Variants in CLHC1 observed in about 807,000 individuals in gnomAD.
CLHC1 encodes the protein clathrin heavy chain linker domain-containing protein 1.
In CLHC1, 72 loss-of-function variants were observed where a neutral mutation model predicts 69.5. The observed-to-expected ratio is 1.04, with a 90% CI of 0.86 to 1.26. CLHC1 has a LOEUF of 1.26. Among genes scored for constraint, CLHC1 ranks in the 50% most tolerant of loss-of-function variants. The pLI is 0.00. For synonymous variants in CLHC1, 223 were observed against 224.3 expected, an observed-to-expected ratio of 0.99 and a Z score of 0.05; for missense variants, 790 against 679.3, an observed-to-expected ratio of 1.16 and a Z score of -1.81.
In CLHC1 at chr2:55,209,390, T is replaced by C. The variant is rs781372431; in HGVS notation, c.814+14A>G. 20 of 1,498,974 alleles carry C rather than the reference T, an allele frequency of 1.3e-5. No individual in the cohort carries two copies. The highest frequency in any genetic ancestry group is 2.4e-5 in the South Asian group (2 of 83,652). The allele number at this position is 1,498,974 out of a possible 1,614,324, so 92.9% of individuals were successfully genotyped here. A position where few individuals can be genotyped will look rare whatever the true frequency, so the allele number is the denominator to read the frequency against. ...TCCATTATTGGTACTAATTTAAAAA[T>C]ATAGATAATCTACCTTGTAAATATT... On this transcript the variant is annotated intron_variant, in intron 7 of 12. Coordinates refer to ENST00000401408, the MANE Select transcript of CLHC1 (RefSeq NM_152385.4).
In CLHC1 at chr2:55,180,573, ACAAG is replaced by A; in HGVS notation, c.1317_1320del (p.Leu440ValfsTer16). On this transcript the variant is annotated frameshift_variant, in exon 11 of 13. Transcript: ENST00000401408. LOFTEE classifies it high-confidence loss of function. ...ACCCTATGAGTCTGACCCTGTTTAC[ACAAG>A]CAAAGAATAGCTTTCTTGTGCAGGC... 1.2e-6 allele frequency: 2 copies of A among 1,614,162 alleles called. No homozygotes were observed. The highest frequency in any genetic ancestry group is 8.5e-7 in the Non-Finnish European group (1 of 1,180,014).
intron 9 of CLHC1, among the ~76,000 whole-genome samples, chr2:55,195,322 A>C (rs1671307761): frequency 6.6e-6 from 1 of 152,182 alleles, no homozygotes; most frequent in Non-Finnish European, 1.5e-5. Context: ...ACTTAGTATA[A>C]TGTGCTCCAG....
rs556536524 is a variant in CLHC1 at position 55,177,930 on chromosome 2, G to A, written c.1385-149C>T. 1.5e-4 allele frequency: 74 copies of A among 507,458 alleles called. 1 individual carries two copies. The highest frequency in any genetic ancestry group is 9.6e-4 in the Admixed American group (26 of 27,108). The allele number at this position is 507,458 out of a possible 1,614,324, so 31.4% of individuals were successfully genotyped here. On this transcript the variant is annotated intron_variant, in intron 11 of 12. Transcript: ENST00000401408. ...TGACCCACTCCAACCTAAACTCAAC[G>A]GTACTATCCCCTAGCCCCCGTCAAA...
chr2:55,181,249 G>A (rs1669905572), intron 10 of CLHC1, among the ~76,000 whole-genome samples: 1 of 152,094 alleles, frequency 6.6e-6, no homozygotes, highest in Non-Finnish European at 1.5e-5. Flanking sequence ...CCAAAATGCT[G>A]GGATTACAGG....
At position 55,175,612 on chromosome 2, in the gene CLHC1, A is replaced by G; in HGVS notation, c.*178T>C. 1 of 539,144 alleles carries G rather than the reference A, an allele frequency of 1.9e-6. No individual in the cohort carries two copies. The highest frequency in any genetic ancestry group is 3.1e-5 in the South Asian group (1 of 32,556). 33.4% of individuals were successfully genotyped at this position (539,144 alleles called of 1,614,324 possible). The stretch of plus-strand genomic sequence containing the variant: ...AGAAATGACCATATGGGGAAAAGGA[A>G]GCAATAGTATAAATATTTCAAAGAC... On this transcript the variant is annotated 3_prime_UTR_variant, in exon 13 of 13. Transcript: ENST00000401408.
At chr2:55,187,203 C>T (rs1006095478) in intron 9 of CLHC1, among the ~76,000 whole-genome samples, 2 of 151,690 alleles carry the variant, frequency 1.3e-5, no homozygotes, top group Admixed American at 6.6e-5. Flanking sequence ...CGCTTGAACC[C>T]GGGAGGCAGA....
chr2:55,190,099 C>G (rs1670775772), intron 9 of CLHC1, among the ~76,000 whole-genome samples: 1 of 151,986 alleles, frequency 6.6e-6, no homozygotes, highest in Non-Finnish European at 1.5e-5. Context: ...GGCTGGAGTG[C>G]AGTGGCGTGA....
chr2:55,175,955 G>T lies in CLHC1; in HGVS notation c.1596C>A (p.Ser532=). 1 of 1,613,888 alleles carries T rather than the reference G, an allele frequency of 6.2e-7. No individual in the cohort carries two copies. The highest frequency in any genetic ancestry group is 1.1e-5 in the South Asian group (1 of 91,082). Residue 532 remains serine (S), a synonymous_variant, in exon 13 of 13, where the codon TCC becomes TCA. Transcript: ENST00000401408. The part of the protein sequence containing the change: ...DAVESLMIND[S]FCSIEKWQEV... ...CTTGCCACTTTTCTATGGAGCAAAA[G>T]GAATCATTTATCATAAGACTTTCTA...
chr2:55,221,413 T>C (rs7601990), intron 3 of CLHC1, among the ~76,000 whole-genome samples: 3 of 152,180 alleles, frequency 2.0e-5, no homozygotes, highest in East Asian at 3.8e-4. Flanking sequence ...TCTAAGCTGA[T>C]CTCCCTATTT....
chr2:55,181,671 AG>A lies in CLHC1; in HGVS notation c.1079del (p.Ala360ValfsTer10). The A allele has an allele frequency of 6.2e-7, 1 of 1,613,806 alleles. No homozygotes were observed. Among genetic ancestry groups the A allele is most frequent in the Non-Finnish European group, 8.5e-7 (1 of 1,179,770 alleles). On this transcript the variant is annotated frameshift_variant, in exon 10 of 13. Coordinates refer to ENST00000401408, the MANE Select transcript of CLHC1 (RefSeq NM_152385.4). LOFTEE classifies it high-confidence loss of function. ...GAGCTGCATCAACAGGACATGGAAA[AG>A]CATGACTTGTGATAAAGAGGGCCTC... is the stretch of plus-strand genomic sequence containing the variant. ...FFEALFITSH[A>X]FPCPVDAALT...
chr2:55,217,499 G>A (rs1415542103), intron 4 of CLHC1, among the ~76,000 whole-genome samples: 7 of 103,182 alleles, frequency 6.8e-5, no homozygotes, highest in Non-Finnish European at 1.1e-4. Flanking sequence ...CTCCAGCCTG[G>A]GCAACAAGAG....
At chr2:55,199,794 C>G (rs1488492419) in intron 9 of CLHC1, among the ~76,000 whole-genome samples, 1 of 151,964 alleles carries the variant, frequency 6.6e-6, no homozygotes, top group East Asian at 1.9e-4. Flanking sequence ...AGAAAATCAT[C>G]TTCACTAAAA....
intron 9 of CLHC1, among the ~76,000 whole-genome samples, chr2:55,199,975 G>A (rs1435366640): frequency 6.6e-6 from 1 of 152,076 alleles, no homozygotes; most frequent in African/African-American, 2.4e-5. Flanking sequence ...TGTAATCTCA[G>A]CATTTTGGGA....
At chr2:55,207,438 C>T (rs1025212640) in intron 8 of CLHC1, among the ~76,000 whole-genome samples, 5 of 152,114 alleles carry the variant, frequency 3.3e-5, no homozygotes, top group African/African-American at 1.2e-4. Context: ...GTTTTTCTCT[C>T]ATATCAAACT....
At chr2:55,227,019 T>C (rs1298180397) in intron 2 of CLHC1, among the ~76,000 whole-genome samples, 1 of 152,238 alleles carries the variant, frequency 6.6e-6, no homozygotes, top group Non-Finnish European at 1.5e-5. Context: ...TGATACCTGA[T>C]TATGTGAATA....
chr2:55,226,694 C>G (rs113684879), intron 2 of CLHC1, among the ~76,000 whole-genome samples: 81 of 152,336 alleles, frequency 5.3e-4, no homozygotes, highest in African/African-American at 1.9e-3. Context: ...TGCAGTGGCA[C>G]GATCTCAGCT....
At chr2:55,178,646 A>G (rs757047989) in intron 11 of CLHC1, among the ~76,000 whole-genome samples, 138 of 152,118 alleles carry the variant, frequency 9.1e-4, no homozygotes, top group Non-Finnish European at 1.0e-3. Context: ...GCCCCACTCT[A>G]TACTCTCAAA....
At chr2:55,204,158 C>T (rs1672220592) in intron 9 of CLHC1, among the ~76,000 whole-genome samples, 1 of 152,114 alleles carries the variant, frequency 6.6e-6, no homozygotes, top group Admixed American at 6.6e-5. Flanking sequence ...GTGGTGCATG[C>T]TTGTAATCCC....
intron 9 of CLHC1, among the ~76,000 whole-genome samples, chr2:55,188,677 GAAACCACCTACATGTC>G (rs1166921835): frequency 6.6e-6 from 1 of 151,722 alleles, no homozygotes; most frequent in African/African-American, 2.4e-5. Context: ...CCCCAAACTA[GAAACCACCTACATGTC>G]AATCCACCGC....
Sources: gnomAD v4.1 joint callset for allele counts (sites outside exome capture counted in the v4.1 genomes callset) on GRCh38, gnomAD v4.1.1 for gene constraint, MANE v1.5 for transcripts, NCBI Gene and HGNC (gene_info 2026-07-23, HGNC 2026-07-21) for gene names.